TEP1: variants seen among roughly 807,000 people sequenced by gnomAD.
The protein encoded by TEP1 is telomerase associated protein 1.
TEP1 carries 241 observed loss-of-function variants against 306.3 expected under a neutral mutation model. The ratio of observed to expected loss-of-function variants is 0.79; its 90% CI spans 0.71 to 0.88. The LOEUF (loss-of-function observed/expected upper bound fraction) is 0.88. Among genes scored for constraint, TEP1 ranks in the 40% least tolerant of loss-of-function variants. The probability of loss-of-function intolerance (pLI) is 0.00; values close to 1 mark genes in which losing one functional copy is unlikely to be tolerated. For missense variants in TEP1, 3,051 were observed against 3,276.1 expected (o/e 0.93, Z 1.68); for synonymous variants, 1,289 against 1,305.5 (o/e 0.99, Z 0.27).
intron 21 of TEP1, 124 bp from the exon 22 acceptor site, chr14:20,384,837 C>G (rs45573241): frequency 1.1e-5 from 16 of 1,487,518 alleles, no homozygotes; most frequent in Non-Finnish European, 1.5e-5. Flanking sequence ...GACTCCAGCA[C>G]CAAGGCTGAC....
chr14:20,399,738 G>A (rs1178245833), intron 9 of TEP1, among the ~76,000 whole-genome samples: 4 of 151,370 alleles, frequency 2.6e-5, no homozygotes, highest in Non-Finnish European at 4.4e-5. Flanking sequence ...TAGCCACCAC[G>A]GGATTAGACT....
At chr14:20,376,407 G>T in intron 41 of TEP1, 143 bp from the exon 42 acceptor site, 1 of 871,116 alleles carries the variant, frequency 1.1e-6, no homozygotes, top group Admixed American at 2.9e-5. Flanking sequence ...GGAGTCACAA[G>T]GCTGTGGAGA....
intron 1 of TEP1, among the ~76,000 whole-genome samples, chr14:20,411,497 T>C (rs761577651): frequency 6.2e-4 from 95 of 152,304 alleles, no homozygotes; most frequent in Non-Finnish European, 1.2e-3. Context: ...TTAGGTGGCC[T>C]TCTCCTTGTT....
chr14:20,407,933 T>C lies in TEP1; in HGVS notation c.507A>G (p.Ser169=). Residue 169 remains serine, a synonymous_variant, in exon 2 of 55, where the codon TCA becomes TCG. Transcript: ENST00000262715. ...TGGATTTCAGGGCTATAGGGCAGGT[T>C]GAAAGGTCTAGTCCCTTAGAGAAAT... ...AQHFSKGLDL[S]TCPIALKSIS... 1 of 1,613,742 alleles carries C rather than the reference T, an allele frequency of 6.2e-7. No homozygotes were observed. Among genetic ancestry groups the C allele is most frequent in the Non-Finnish European group, 8.5e-7 (1 of 1,179,850 alleles).
At chr14:20,382,094 C>G (rs1206258275) in intron 29 of TEP1, 31 bp from the exon 30 acceptor site, 3 of 1,613,058 alleles carry the variant, frequency 1.9e-6, no homozygotes, top group Admixed American at 1.7e-5. Context: ...AGGCCCTCAT[C>G]TAACCATACG....
chr14:20,402,121 C>T (rs959123513), intron 7 of TEP1, among the ~76,000 whole-genome samples: 8 of 152,032 alleles, frequency 5.3e-5, no homozygotes, highest in African/African-American at 1.9e-4. Flanking sequence ...GTCTGACCAA[C>T]ATGGTGAAAC....
chr14:20,388,119 G>C, intron 17 of TEP1, 56 bp from the exon 18 acceptor site: 4 of 1,595,138 alleles, frequency 2.5e-6, no homozygotes, highest in Non-Finnish European at 3.4e-6. Flanking sequence ...AAATCAGTGA[G>C]GTCTTCCGAA....
chr14:20,368,148 T>A lies in TEP1; in HGVS notation c.*289A>T, dbSNP rs1370473291. 2 of 238,456 alleles carry A rather than the reference T, an allele frequency of 8.4e-6. No homozygotes were observed. Among genetic ancestry groups the A allele is most frequent in the East Asian group, 1.8e-4 (2 of 11,184 alleles). The allele number at this position is 238,456 out of a possible 1,614,324, so 14.8% of individuals were successfully genotyped here. ...TGATGCAAGAATTCTAAAACCTAGT[T>A]TCAAAAGAGTACCTACTAAAGATTT... On this transcript the variant is annotated 3_prime_UTR_variant, in exon 55 of 55. Transcript: ENST00000262715.
At chr14:20,371,766 C>T in intron 49 of TEP1, 134 bp from the exon 50 acceptor site, 1 of 1,137,262 alleles carries the variant, frequency 8.8e-7, no homozygotes, top group Non-Finnish European at 1.2e-6. Flanking sequence ...AATCCTGTTC[C>T]ACTTTCTGGT....
Position 20,368,330 on chromosome 14 carries a change from T to A in TEP1, c.*107A>T. 7.5e-7 allele frequency: 1 copy of A among 1,339,484 alleles called. No individual in the cohort carries two copies. Among genetic ancestry groups the A allele is most frequent in the Non-Finnish European group, 1.0e-6 (1 of 1,003,108 alleles). The allele number at this position is 1,339,484 out of a possible 1,614,324, so 83.0% of individuals were successfully genotyped here. A position where few individuals can be genotyped will look rare whatever the true frequency, so the allele number is the denominator to read the frequency against. ...TTGAGATTTTTTGACACTTCATTTT[T>A]ATAATTATCAAGAAATTATTAATTT... is the stretch of plus-strand genomic sequence containing the variant. On this transcript the variant is annotated 3_prime_UTR_variant, in exon 55 of 55. Coordinates refer to ENST00000262715, the MANE Select transcript of TEP1 (RefSeq NM_007110.5).
intron 21 of TEP1, 121 bp downstream of exon 21, chr14:20,384,864 A>G (rs902479176): frequency 1.3e-5 from 20 of 1,531,892 alleles, no homozygotes; most frequent in Non-Finnish European, 1.8e-5. Context: ...CTGCAAAGGC[A>G]TGCTGAGTCC....
intron 9 of TEP1, among the ~76,000 whole-genome samples, chr14:20,396,975 C>T (rs1421936675): frequency 4.6e-5 from 7 of 151,724 alleles, no homozygotes; most frequent in Non-Finnish European, 1.0e-4. Context: ...TGTGGAAAGT[C>T]CAAGATAGAG....
chr14:20,387,839 C>T, intron 18 of TEP1, 66 bp downstream of exon 18: 1 of 1,528,358 alleles, frequency 6.5e-7, no homozygotes, highest in South Asian at 1.3e-5. Context: ...AATTTCAGCC[C>T]CAGGGTTTCC....
chr14:20,401,513 A>T lies in TEP1; in HGVS notation c.1335T>A (p.Val445=). The T allele has an allele frequency of 3.1e-6, 5 of 1,614,200 alleles. No homozygotes were observed. Among genetic ancestry groups the T allele is most frequent in the Non-Finnish European group, 4.2e-6 (5 of 1,180,032 alleles). The change falls in exon 8 of 55, where the codon GTT becomes GTA. Residue 445 remains valine (V), a synonymous_variant. Transcript: ENST00000262715. ...CAGGCTTGTGGATGTGCAGTCGCTG[A>T]ACCAGCTTCTTCAGGGTGAACCTTG... is the stretch of plus-strand genomic sequence containing the variant. ...NPPRFTLKKL[V]QRLHIHKPAQ... is the part of the protein sequence containing the mutation.
intron 19 of TEP1, 50 bp downstream of exon 19, chr14:20,386,397 C>T (rs369658008): frequency 1.1e-5 from 18 of 1,576,760 alleles, no homozygotes; most frequent in Non-Finnish European, 1.5e-5. Flanking sequence ...AGGTCCACCA[C>T]TCAAGCCCCT....
Position 20,373,550 on chromosome 14 carries a change from G to T in TEP1, c.6638C>A (p.Thr2213Asn). The change falls in exon 46 of 55, where the codon ACC (threonine) becomes AAC (asparagine). Residue 2213 changes from threonine (T) to asparagine (N), a missense_variant. Physicochemically the swap from Thr to Asn is moderately conservative, Grantham distance 65. Coordinates refer to ENST00000262715, the MANE Select transcript of TEP1 (RefSeq NM_007110.5). ...CCGTGTGGCCCCATCTAGCCCGACGGTTACCACCAGAAGCTCTGACCCAGG... is the reference window on the plus strand; with the variant it reads ...CCGTGTGGCCCCATCTAGCCCGACGTTTACCACCAGAAGCTCTGACCCAGG... ...GQPGSELLVV[T>N]VGLDGATRLW... 1 of 1,614,204 alleles carries T rather than the reference G, an allele frequency of 6.2e-7. No individual in the cohort carries two copies. Among genetic ancestry groups the T allele is most frequent in the South Asian group, 1.1e-5 (1 of 91,084 alleles).
chr14:20,382,145 C>T, intron 29 of TEP1, 79 bp downstream of exon 29: 3 of 1,611,664 alleles, frequency 1.9e-6, no homozygotes, highest in African/African-American at 1.3e-5. Flanking sequence ...CCTTGAACTG[C>T]CTGCTGAGAC....
intron 1 of TEP1, among the ~76,000 whole-genome samples, chr14:20,411,703 G>A (rs1037575244): frequency 1.3e-5 from 2 of 151,922 alleles, no homozygotes; most frequent in Admixed American, 1.3e-4. Context: ...AGTATATACT[G>A]TTTTGTGCTC....
chr14:20,396,460 C>T (rs1878210473), intron 10 of TEP1, among the ~76,000 whole-genome samples, 161 bp downstream of exon 10: 1 of 152,230 alleles, frequency 6.6e-6, no homozygotes, highest in Non-Finnish European at 1.5e-5. Context: ...TCTCCCTCAA[C>T]CTAGCTGTAT....
Sources: allele counts gnomAD v4.1 joint callset (sites outside exome capture counted in the v4.1 genomes callset), GRCh38; gene constraint gnomAD v4.1.1; transcripts MANE v1.5; gene names NCBI Gene and HGNC (gene_info 2026-07-23, HGNC 2026-07-21).